Variants in SLC44A5 observed in about 807,000 individuals in gnomAD.
The protein encoded by SLC44A5 is choline transporter-like protein 5.
SLC44A5 carries 57 observed loss-of-function variants against 101.8 expected under a neutral mutation model. The observed-to-expected ratio is 0.56, with a 90% CI of 0.45 to 0.70. The LOEUF (loss-of-function observed/expected upper bound fraction) is 0.70, where lower values mean the gene tolerates loss of function less well. Among genes scored for constraint, SLC44A5 ranks in the 30% least tolerant of loss-of-function variants. The pLI, the probability that SLC44A5 is intolerant of heterozygous loss-of-function variation, is 0.00. For missense variants in SLC44A5, 737 were observed against 853.1 expected (o/e 0.86, Z 1.70); for synonymous variants, 281 against 290.9 (o/e 0.97, Z 0.35).
In SLC44A5 at chr1:75,526,854, G is replaced by C. The variant is rs528696280; in HGVS notation, c.13+14581C>G. ...TTTCCTCAAAAAGAAAAGAAAAAAG[G>C]CTGGGTGCGGTGGCTCACACCTGTA... is the stretch of plus-strand genomic sequence containing the variant. On this transcript the variant is annotated intron_variant, in intron 2 of 23. Transcript: ENST00000370859. Among the ~76,000 whole-genome samples the C allele has an allele frequency of 3.7e-4, 57 of 152,226 alleles. No individual in the cohort carries two copies. The South Asian group carries it at 0.012, about 32-fold the overall frequency.
the SLC44A5 span, among the ~76,000 whole-genome samples, chr1:75,673,148 T>C: frequency 6.6e-6 from 1 of 152,124 alleles, no homozygotes; most frequent in Non-Finnish European, 1.5e-5. Context: ...AACTGGGCTC[T>C]TGGGGTCTCT....
chr1:75,434,045 G>C (rs984200709), intron 2 of SLC44A5, among the ~76,000 whole-genome samples: 1 of 151,882 alleles, frequency 6.6e-6, no homozygotes, highest in South Asian at 2.1e-4. Flanking sequence ...GCAACACATG[G>C]GAATTATGGG....
At chr1:75,487,349 A>C (rs1332910469) in intron 2 of SLC44A5, among the ~76,000 whole-genome samples, 1 of 152,212 alleles carries the variant, frequency 6.6e-6, no homozygotes, top group East Asian at 1.9e-4. Flanking sequence ...CTGATATATA[A>C]AATGAATCTA....
chr1:75,321,843 C>G (rs1340487692), intron 4 of SLC44A5, among the ~76,000 whole-genome samples: 1 of 152,120 alleles, frequency 6.6e-6, no homozygotes, highest in Non-Finnish European at 1.5e-5. Context: ...TTTGTCATTA[C>G]TAGGTTTCTT....
At chr1:75,701,732 T>A in the SLC44A5 span, among the ~76,000 whole-genome samples, 12 of 152,176 alleles carry the variant, frequency 7.9e-5, no homozygotes, top group Non-Finnish European at 1.0e-4. Context: ...TGTTTGCCGA[T>A]GACATGATTG....
chr1:75,643,430 T>C, the SLC44A5 span, among the ~76,000 whole-genome samples: 3 of 152,176 alleles, frequency 2.0e-5, no homozygotes, highest in Non-Finnish European at 4.4e-5. Flanking sequence ...GCAAATATCG[T>C]TTAATTATAT....
At chr1:75,539,990 A>C (rs1433227491) in intron 2 of SLC44A5, among the ~76,000 whole-genome samples, 1 of 152,236 alleles carries the variant, frequency 6.6e-6, no homozygotes, top group Non-Finnish European at 1.5e-5. Context: ...GTTTTAAGAA[A>C]GTATTTTCCC....
chr1:75,304,140 G>A (rs1465662275), intron 4 of SLC44A5, among the ~76,000 whole-genome samples: 1 of 151,992 alleles, frequency 6.6e-6, no homozygotes, highest in Admixed American at 6.6e-5. Flanking sequence ...CATACCCTAT[G>A]GCCAGACTGG....
chr1:75,318,788 T>C (rs1057207292), intron 4 of SLC44A5, among the ~76,000 whole-genome samples: 1 of 152,144 alleles, frequency 6.6e-6, no homozygotes, highest in Non-Finnish European at 1.5e-5. Context: ...TGTTCTGTGG[T>C]CTCTTTGGTA....
At chr1:75,492,438 A>G (rs1157696213) in intron 2 of SLC44A5, among the ~76,000 whole-genome samples, 2 of 152,224 alleles carry the variant, frequency 1.3e-5, no homozygotes, top group Admixed American at 6.5e-5. Context: ...AAAAGGAAGC[A>G]CTCAATAAAT....
intron 4 of SLC44A5, among the ~76,000 whole-genome samples, chr1:75,316,417 G>A (rs1398463362): frequency 6.6e-6 from 1 of 151,928 alleles, no homozygotes; most frequent in African/African-American, 2.4e-5. Flanking sequence ...CAGCTTAAAT[G>A]TTACCACCTC....
the SLC44A5 span, among the ~76,000 whole-genome samples, chr1:75,640,356 C>T: frequency 6.6e-6 from 1 of 151,986 alleles, no homozygotes; most frequent in East Asian, 1.9e-4. Context: ...GAGAGCAAGC[C>T]CCAGTGCACA....
intron 2 of SLC44A5, among the ~76,000 whole-genome samples, chr1:75,425,638 T>TA (rs1664264917): frequency 6.6e-6 from 1 of 152,104 alleles, no homozygotes; most frequent in African/African-American, 2.4e-5. Context: ...TACTAGAGAG[T>TA]AAAGACCATG....
Position 75,557,390 on chromosome 1 carries a change from A to G in SLC44A5, c.-69-15874T>C, listed in dbSNP as rs150133385. On this transcript the variant is annotated intron_variant, in intron 1 of 23. Coordinates refer to ENST00000370859, the MANE Select transcript of SLC44A5 (RefSeq NM_001130058.2). Reference sequence around the variant, plus strand: ...AGGCAACATTGAAAATGTGGGAGAGAAAGGAAGGAGTGAATACACAGAAGA... The same window carrying G: ...AGGCAACATTGAAAATGTGGGAGAGGAAGGAAGGAGTGAATACACAGAAGA... 4.4e-3 allele frequency among the ~76,000 whole-genome samples: 670 copies of G among 152,190 alleles called. 5 individuals carry two copies. Among genetic ancestry groups the G allele is most frequent in the East Asian group, 0.024 (123 of 5,186 alleles).
chr1:75,521,879 A>C (rs1670148341), intron 2 of SLC44A5: 1 of 153,384 alleles, frequency 6.5e-6, no homozygotes, highest in Admixed American at 6.5e-5. Flanking sequence ...AAAACAATGC[A>C]CGCAGTGTAC....
chr1:75,493,067 A>C (rs1303801512), intron 2 of SLC44A5, among the ~76,000 whole-genome samples: 1 of 152,224 alleles, frequency 6.6e-6, no homozygotes, highest in Non-Finnish European at 1.5e-5. Context: ...AATGCATTAG[A>C]AGAAAAGTCA....
intron 2 of SLC44A5, among the ~76,000 whole-genome samples, chr1:75,405,447 T>A (rs1662784870): frequency 6.6e-6 from 1 of 152,162 alleles, no homozygotes; most frequent in Non-Finnish European, 1.5e-5. Flanking sequence ...ATTGACCACA[T>A]AATTGGAAGT....
At chr1:75,270,451 AT>A (rs1651375355) in intron 6 of SLC44A5, among the ~76,000 whole-genome samples, 1 of 152,112 alleles carries the variant, frequency 6.6e-6, no homozygotes. Context: ...TCAACAAACG[AT>A]TCTGAAATAA....
chr1:75,219,306 A>C lies in SLC44A5; in HGVS notation c.1217T>G (p.Ile406Arg). Residue 406 changes from isoleucine to arginine, a missense_variant, in exon 16 of 24, where the codon ATA becomes AGA. By Grantham distance (97) the Ile-to-Arg change is moderately conservative. Around this residue, in one of 3 missense-constraint regions of SLC44A5, gnomAD observed 665 missense variants for 764.4 expected, o/e 0.87. Coordinates refer to ENST00000370859, the MANE Select transcript of SLC44A5 (RefSeq NM_001130058.2). Reference protein sequence around the residue: ...ATSGVPVYKVIAPGGHCIHEN... With the variant: ...ATSGVPVYKVRAPGGHCIHEN... Reference sequence around the variant, plus strand: ...ATGTATACAATGCCCCCCTGGAGCTATGACTTTGTATACAGGTACCCCCGA... The same window carrying C: ...ATGTATACAATGCCCCCCTGGAGCTCTGACTTTGTATACAGGTACCCCCGA... The C allele has an allele frequency of 6.2e-7, 1 of 1,613,440 alleles. No individual in the cohort carries two copies. The highest frequency in any genetic ancestry group is 8.5e-7 in the Non-Finnish European group (1 of 1,179,472).
Sources: gnomAD v4.1 joint callset for allele counts (sites outside exome capture counted in the v4.1 genomes callset) on GRCh38, gnomAD v4.1.1 for gene constraint, gnomAD v4.1.1 regional missense constraint, MANE v1.5 for transcripts, NCBI Gene and HGNC (gene_info 2026-07-23, HGNC 2026-07-21) for gene names.